The following ST3GAL3 variants were observed in gnomAD, a reference collection of about 807,000 sequenced individuals.
The protein encoded by ST3GAL3 is ST3 beta-galactoside alpha-2,3-sialyltransferase 3.
Under a neutral mutation model 50.1 loss-of-function variants are expected in ST3GAL3, and 21 were observed. The ratio of observed to expected loss-of-function variants is 0.42; its 90% confidence interval spans 0.30 to 0.60. The LOEUF (loss-of-function observed/expected upper bound fraction) is 0.60, where lower values mean the gene tolerates loss of function less well. Ranked by LOEUF, ST3GAL3 falls within the 20% of genes least tolerant of loss-of-function variation. ST3GAL3 has a pLI of 0.19. For synonymous variants in ST3GAL3, 183 were observed against 190.0 expected (o/e 0.96, Z 0.30); for missense variants, 353 against 489.4 (o/e 0.72, Z 2.63).
intron 5 of ST3GAL3, among the ~76,000 whole-genome samples, chr1:43,877,825 G>A (rs1392522182): frequency 6.6e-6 from 1 of 152,242 alleles, no homozygotes; most frequent in African/African-American, 2.4e-5. Flanking sequence ...TTCCCTGAAG[G>A]TAGAGGGTCT....
At chr1:43,782,248 T>G (rs1257174496) in intron 2 of ST3GAL3, among the ~76,000 whole-genome samples, 1 of 152,174 alleles carries the variant, frequency 6.6e-6, no homozygotes, top group African/African-American at 2.4e-5. Flanking sequence ...CCATCCCACA[T>G]CCGATCAGTT....
chr1:43,919,951 A>C (rs1413987139), intron 9 of ST3GAL3: 1 of 305,122 alleles, frequency 3.3e-6, no homozygotes, highest in Non-Finnish European at 6.4e-6. Context: ...AGAACAGTCG[A>C]TGGAGAGAGC....
At chr1:43,929,848 C>A (rs1206838757) in intron 11 of ST3GAL3, among the ~76,000 whole-genome samples, 2 of 152,158 alleles carry the variant, frequency 1.3e-5, no homozygotes, top group Non-Finnish European at 2.9e-5. Context: ...GTCCTTCCGC[C>A]AGCACTGAGG....
chr1:43,852,586 G>A (rs889926266), intron 5 of ST3GAL3, among the ~76,000 whole-genome samples: 1 of 152,212 alleles, frequency 6.6e-6, no homozygotes. Flanking sequence ...GGTTTTGTGA[G>A]TGGAAATTAA....
intron 5 of ST3GAL3, among the ~76,000 whole-genome samples, chr1:43,887,566 T>C (rs1166734680): frequency 1.3e-5 from 2 of 152,126 alleles, no homozygotes; most frequent in Admixed American, 6.5e-5. Context: ...GTGCCTGACG[T>C]GGAGTGAAGA....
At chr1:43,760,618 T>C (rs916901286) in intron 2 of ST3GAL3, among the ~76,000 whole-genome samples, 1 of 152,102 alleles carries the variant, frequency 6.6e-6, no homozygotes, top group Admixed American at 6.5e-5. Flanking sequence ...TAGCCGGGCG[T>C]GGTGGTAGGC....
intron 5 of ST3GAL3, among the ~76,000 whole-genome samples, chr1:43,864,588 G>T (rs1196118293): frequency 1.3e-5 from 2 of 152,174 alleles, no homozygotes; most frequent in East Asian, 3.8e-4. Context: ...ACTTTATTAT[G>T]AGGTCAGCCA....
At chr1:43,775,651 A>G (rs1315652731) in intron 2 of ST3GAL3, among the ~76,000 whole-genome samples, 3 of 152,154 alleles carry the variant, frequency 2.0e-5, no homozygotes, top group Non-Finnish European at 4.4e-5. Context: ...TACAACTTCT[A>G]CTTGGGGGGA....
intron 3 of ST3GAL3, among the ~76,000 whole-genome samples, chr1:43,813,354 A>G (rs1293701022): frequency 6.6e-6 from 1 of 152,178 alleles, no homozygotes; most frequent in African/African-American, 2.4e-5. Flanking sequence ...CTTTGACACT[A>G]ACTCTTTGCA....
At chr1:43,707,735 C>G (rs1213298831) in intron 1 of ST3GAL3, 42 bp downstream of exon 1, 1 of 151,864 alleles carries the variant, frequency 6.6e-6, no homozygotes, top group South Asian at 2.1e-4. Context: ...GATGGCTGAC[C>G]GCGAATAACG....
intron 2 of ST3GAL3, among the ~76,000 whole-genome samples, chr1:43,782,845 C>T (rs957057788): frequency 2.6e-5 from 4 of 152,112 alleles, no homozygotes; most frequent in South Asian, 4.2e-4. Context: ...TGTCAAAATT[C>T]GTTTGGCAGT....
chr1:43,878,359 T>C (rs976569806), intron 5 of ST3GAL3, among the ~76,000 whole-genome samples: 2 of 152,108 alleles, frequency 1.3e-5, no homozygotes, highest in Admixed American at 6.5e-5. Flanking sequence ...AAGTAAAATA[T>C]TTAGTAAATT....
intron 2 of ST3GAL3, among the ~76,000 whole-genome samples, chr1:43,782,746 G>A (rs1274242130): frequency 7.1e-6 from 1 of 141,146 alleles, no homozygotes; most frequent in Non-Finnish European, 1.6e-5. Context: ...TCATGACATG[G>A]CCTTATGAGG....
chr1:43,825,704 G>A (rs2062706821), intron 4 of ST3GAL3, among the ~76,000 whole-genome samples: 1 of 152,170 alleles, frequency 6.6e-6, no homozygotes, highest in Admixed American at 6.5e-5. Flanking sequence ...AAGCAGATGA[G>A]TAGTGACATA....
chr1:43,774,876 C>A (rs1430142289), intron 2 of ST3GAL3, among the ~76,000 whole-genome samples: 1 of 152,158 alleles, frequency 6.6e-6, no homozygotes, highest in Non-Finnish European at 1.5e-5. Context: ...CTCAAGTTTT[C>A]AATCTAGACA....
intron 4 of ST3GAL3, among the ~76,000 whole-genome samples, chr1:43,817,425 T>TTCTTCTCCTC (rs1558434881): frequency 1.1e-3 from 5 of 4,472 alleles, no homozygotes; most frequent in Non-Finnish European, 4.5e-3. Context: ...TCCTTCTCCT[T>TTCTTCTCCTC]CTTCTCCTTC....
intron 5 of ST3GAL3, among the ~76,000 whole-genome samples, chr1:43,884,431 A>T (rs1362810053): frequency 6.6e-6 from 1 of 152,216 alleles, no homozygotes; most frequent in Non-Finnish European, 1.5e-5. Flanking sequence ...GCATTTAGAA[A>T]GTGTTCGCAT....
chr1:43,719,789 C>T (rs773571162), intron 1 of ST3GAL3, among the ~76,000 whole-genome samples: 6 of 151,684 alleles, frequency 4.0e-5, no homozygotes, highest in East Asian at 1.9e-4. Flanking sequence ...AAAAATTAGC[C>T]GGGTATGGTG....
At chr1:43,758,170 C>G (rs911373339) in intron 2 of ST3GAL3, among the ~76,000 whole-genome samples, 6 of 138,324 alleles carry the variant, frequency 4.3e-5, no homozygotes, top group African/African-American at 1.2e-4. Flanking sequence ...CCACCCCCCC[C>G]CCCAAAAAAA....
Sources: allele counts gnomAD v4.1 joint callset (sites outside exome capture counted in the v4.1 genomes callset), GRCh38; gene constraint gnomAD v4.1.1; transcripts MANE v1.5; gene names NCBI Gene and HGNC (gene_info 2026-07-23, HGNC 2026-07-21).